The following GRHL2 variants were observed in gnomAD, a reference collection of about 807,000 sequenced individuals.
GRHL2 encodes grainyhead-like protein 2 homolog.
GRHL2 carries 21 observed loss-of-function variants against 83.8 expected under a neutral mutation model. That is an observed-to-expected ratio of 0.25 (90% CI 0.18 to 0.36). The LOEUF (loss-of-function observed/expected upper bound fraction) is 0.36. Ranked by LOEUF, GRHL2 falls within the 10% of genes least tolerant of loss-of-function variation. The probability of loss-of-function intolerance (pLI) is 1.00; values close to 1 mark genes in which losing one functional copy is unlikely to be tolerated. For missense variants in GRHL2, 623 were observed against 781.8 expected, an observed-to-expected ratio of 0.80 and a Z score of 2.42; for synonymous variants, 280 against 278.9, an observed-to-expected ratio of 1.00 and a Z score of -0.04.
chr8:101,574,983 G>A (rs1344609755), intron 6 of GRHL2, among the ~76,000 whole-genome samples: 4 of 152,170 alleles, frequency 2.6e-5, no homozygotes, highest in Admixed American at 1.3e-4. Flanking sequence ...AACCGGCCAA[G>A]GTTACATAGC....
At chr8:101,666,551 C>T (rs370794164) in intron 15 of GRHL2, 38 bp from the exon 16 acceptor site, 50 of 1,212,016 alleles carry the variant, frequency 4.1e-5, no homozygotes, top group Admixed American at 1.4e-4. Context: ...TTGTTCACGG[C>T]GTCTTTGTTT....
At chr8:101,678,658 AC>A in the GRHL2 span, among the ~76,000 whole-genome samples, 1 of 150,218 alleles carries the variant, frequency 6.7e-6, no homozygotes, top group Non-Finnish European at 1.5e-5. Flanking sequence ...GACAGCAGTA[AC>A]CTCTGCAGAC....
At chr8:101,507,367 T>G (rs139610667) in intron 1 of GRHL2, among the ~76,000 whole-genome samples, 185 of 152,310 alleles carry the variant, frequency 1.2e-3, no homozygotes, top group African/African-American at 4.3e-3. Context: ...ACTCATTAAA[T>G]TTTTTTCTTT....
intron 9 of GRHL2, among the ~76,000 whole-genome samples, chr8:101,625,548 G>T (rs1023206059): frequency 6.6e-6 from 1 of 152,134 alleles, no homozygotes; most frequent in African/African-American, 2.4e-5. Flanking sequence ...GGGCGAAAAA[G>T]AGGATTATAT....
intron 7 of GRHL2, among the ~76,000 whole-genome samples, chr8:101,584,492 C>T (rs950123294): frequency 6.6e-6 from 1 of 152,176 alleles, no homozygotes; most frequent in African/African-American, 2.4e-5. Flanking sequence ...GTGGATGATT[C>T]AGCATGGCTA....
downstream of GRHL2, among the ~76,000 whole-genome samples, chr8:101,670,778 C>T (rs767968491): frequency 1.1e-4 from 16 of 152,326 alleles, no homozygotes; most frequent in East Asian, 1.9e-4. Flanking sequence ...TAGGCGATGA[C>T]GGTTGTCAGT....
chr8:101,519,643 T>C (rs1392208319), intron 1 of GRHL2, among the ~76,000 whole-genome samples: 1 of 150,384 alleles, frequency 6.6e-6, no homozygotes, highest in Non-Finnish European at 1.5e-5. Context: ...CAAGTAAAGG[T>C]TTAATTTAAA....
At chr8:101,653,052 C>T (rs1813704396) in intron 14 of GRHL2, among the ~76,000 whole-genome samples, 1 of 152,188 alleles carries the variant, frequency 6.6e-6, no homozygotes, top group Non-Finnish European at 1.5e-5. Context: ...CAGGTATCTG[C>T]ATCCGAAACT....
chr8:101,679,558 T>G, the GRHL2 span, among the ~76,000 whole-genome samples: 1 of 149,784 alleles, frequency 6.7e-6, no homozygotes, highest in Non-Finnish European at 1.5e-5. Flanking sequence ...ACGTTCAGAT[T>G]CAGGAAATAC....
chr8:101,492,550 T>A lies in GRHL2; in HGVS notation c.-220T>A. On this transcript the variant is annotated 5_prime_UTR_variant, in exon 1 of 16. It removes an upstream start codon present in the reference 5' UTR. Transcript: ENST00000646743. The stretch of plus-strand genomic sequence containing the variant: ...CGGCCGCCTCCGAGCTCGGGCCCCA[T>A]GTGAGGGGCCCCCCCTTATCCCACC... 3.1e-6 allele frequency: 2 copies of A among 636,730 alleles called. No individual in the cohort carries two copies. The highest frequency in any genetic ancestry group is 5.7e-6 in the Non-Finnish European group (2 of 350,350). The allele number at this position is 636,730 out of a possible 1,614,324, so 39.4% of individuals were successfully genotyped here. A position where few individuals can be genotyped will look rare whatever the true frequency, so the allele number is the denominator to read the frequency against.
chr8:101,499,039 C>T (rs113420684), intron 1 of GRHL2, among the ~76,000 whole-genome samples: 21 of 149,988 alleles, frequency 1.4e-4, no homozygotes, highest in Middle Eastern at 3.4e-3. Context: ...TGTGCCACTG[C>T]GCTCCAGCCT....
intron 4 of GRHL2, among the ~76,000 whole-genome samples, chr8:101,563,199 A>C (rs1253207585): frequency 1.3e-5 from 2 of 152,288 alleles, no homozygotes; most frequent in Non-Finnish European, 2.9e-5. Context: ...GATAGGACTC[A>C]ACCTAAGCTG....
Position 101,558,538 on chromosome 8 carries a change from A to G in GRHL2, c.404A>G (p.Lys135Arg). Reference protein sequence around the residue: ...SLNQDHLENSKREQYSISFPE... With the variant: ...SLNQDHLENSRREQYSISFPE... The stretch of plus-strand genomic sequence containing the variant: ...AATCAAGATCACCTGGAGAATTCCA[A>G]GCGGGAACAGTACAGCATCAGCTTC... Residue 135 changes from lysine (K) to arginine (R), a missense_variant, in exon 4 of 16, where the codon AAG (lysine) becomes AGG (arginine). Around this residue, in one of 8 missense-constraint regions of GRHL2, gnomAD observed 239 missense variants for 240.5 expected, o/e 0.99. Coordinates refer to ENST00000646743, the MANE Select transcript of GRHL2 (RefSeq NM_024915.4). 6.2e-7 allele frequency: 1 copy of G among 1,614,144 alleles called. No homozygotes were observed. Among genetic ancestry groups the G allele is most frequent in the Non-Finnish European group, 8.5e-7 (1 of 1,180,032 alleles).
intron 2 of GRHL2, among the ~76,000 whole-genome samples, chr8:101,546,950 G>A (rs1811279576): frequency 1.3e-5 from 2 of 152,154 alleles, no homozygotes; most frequent in Middle Eastern, 3.2e-3. Flanking sequence ...TCCTTCTGTT[G>A]AATTAATATT....
Position 101,492,589 on chromosome 8 carries a change from G to A in GRHL2, c.-181G>A. 1 of 707,224 alleles carries A rather than the reference G, an allele frequency of 1.4e-6. No homozygotes were observed. Among genetic ancestry groups the A allele is most frequent in the Non-Finnish European group, 2.6e-6 (1 of 381,860 alleles). The allele number at this position is 707,224 out of a possible 1,614,324, so 43.8% of individuals were successfully genotyped here. ...CCTTATCCCACCTTTCCGGCTAGGT[G>A]AGGGCGCGAGCGGGCGAGCGAGCGA... On this transcript the variant is annotated 5_prime_UTR_variant, in exon 1 of 16. Transcript: ENST00000646743.
chr8:101,673,273 C>T (rs1255912409), downstream of GRHL2, among the ~76,000 whole-genome samples: 2 of 151,964 alleles, frequency 1.3e-5, no homozygotes, highest in African/African-American at 4.8e-5. Context: ...TGGATAGAGT[C>T]AAGACCCATC....
intron 14 of GRHL2, among the ~76,000 whole-genome samples, chr8:101,663,645 A>ATT (rs200455557): frequency 2.0e-5 from 3 of 151,286 alleles, no homozygotes; most frequent in African/African-American, 7.3e-5. Context: ...AAATAAATAA[A>ATT]AATAAAAGTA....
chr8:101,641,838 T>C (rs894671522), intron 12 of GRHL2, among the ~76,000 whole-genome samples: 1 of 152,202 alleles, frequency 6.6e-6, no homozygotes, highest in Admixed American at 6.5e-5. Flanking sequence ...GAGTCTCTTT[T>C]ATAAAATGGC....
At chr8:101,517,041 T>C (rs1014557939) in intron 1 of GRHL2, among the ~76,000 whole-genome samples, 1 of 152,140 alleles carries the variant, frequency 6.6e-6, no homozygotes, top group Non-Finnish European at 1.5e-5. Flanking sequence ...GGGTTTTAGG[T>C]CAGTCCTCTG....
Sources: allele counts gnomAD v4.1 joint callset (sites outside exome capture counted in the v4.1 genomes callset), GRCh38; gene constraint gnomAD v4.1.1; regional missense constraint gnomAD v4.1.1; transcripts MANE v1.5; gene names NCBI Gene and HGNC (gene_info 2026-07-23, HGNC 2026-07-21).